KCNH8: variants seen among roughly 807,000 people sequenced by gnomAD.
The protein encoded by KCNH8 is voltage-gated delayed rectifier potassium channel KCNH8.
In KCNH8, 70 loss-of-function variants were observed where a neutral mutation model predicts 103.6. The ratio of observed to expected loss-of-function variants is 0.68; its 90% CI spans 0.56 to 0.82. The LOEUF (loss-of-function observed/expected upper bound fraction) is 0.82, where lower values mean the gene tolerates loss of function less well. KCNH8 is among the 40% of genes least tolerant of loss of function. The pLI, the probability that KCNH8 is intolerant of heterozygous loss-of-function variation, is 0.00. For missense variants in KCNH8, 1,217 were observed against 1,329.9 expected (o/e 0.92, Z 1.32); for synonymous variants, 498 against 489.4 (o/e 1.02, Z -0.23).
At chr3:19,315,814 A>G (rs1250289416) in intron 3 of KCNH8, among the ~76,000 whole-genome samples, 1 of 152,018 alleles carries the variant, frequency 6.6e-6, no homozygotes, top group Non-Finnish European at 1.5e-5. Flanking sequence ...TTGAGGCACT[A>G]TAATTTTTCT....
intron 5 of KCNH8, among the ~76,000 whole-genome samples, chr3:19,373,703 G>A (rs1340991347): frequency 1.3e-5 from 2 of 150,780 alleles, no homozygotes; most frequent in Admixed American, 6.6e-5. Context: ...GTGATGTTAG[G>A]GTGTCAATTT....
chr3:19,392,718 A>G (rs2066456777), intron 6 of KCNH8, among the ~76,000 whole-genome samples: 1 of 151,978 alleles, frequency 6.6e-6, no homozygotes. Flanking sequence ...CAGTTCTTTT[A>G]AGTACGGATC....
In KCNH8 at chr3:19,450,130, G is replaced by A; in HGVS notation, c.1400G>A (p.Gly467Glu). 6.2e-7 allele frequency: 1 copy of A among 1,613,574 alleles called. No homozygotes were observed. Among genetic ancestry groups the A allele is most frequent in the Non-Finnish European group, 8.5e-7 (1 of 1,179,746 alleles). Residue 467 changes from glycine to glutamate, a missense_variant, in exon 9 of 16, where the codon GGA (glycine) becomes GAA (glutamate). Physicochemically the swap from Gly to Glu is moderately conservative, Grantham distance 98. This residue lies in a region of KCNH8 where 415 missense variants were observed against 577.4 expected (regional missense o/e 0.72). Coordinates refer to ENST00000328405, the MANE Select transcript of KCNH8 (RefSeq NM_144633.3). The part of the protein sequence containing the change: ...IGALMHALVF[G>E]NVTAIIQRMY... ...GCCTTGATGCACGCCTTGGTGTTTG[G>A]AAACGTGACAGCAATCATACAGAGG...
intron 11 of KCNH8, among the ~76,000 whole-genome samples, chr3:19,472,720 A>G (rs1476279838): frequency 2.0e-5 from 3 of 152,338 alleles, no homozygotes; most frequent in Non-Finnish European, 4.4e-5. Flanking sequence ...CACTGATTAG[A>G]TATATAATAT....
chr3:19,468,184 C>T (rs1325167183), intron 11 of KCNH8, among the ~76,000 whole-genome samples: 1 of 152,128 alleles, frequency 6.6e-6, no homozygotes, highest in African/African-American at 2.4e-5. Flanking sequence ...CCTACCAAAA[C>T]CTATTTTATG....
chr3:19,492,842 TGTGTG>T (rs2068353760), intron 11 of KCNH8, among the ~76,000 whole-genome samples: 1 of 87,582 alleles, frequency 1.1e-5, no homozygotes, highest in African/African-American at 4.3e-5. Flanking sequence ...TGTGTGTGTG[TGTGTG>T]TGTGTGTGTG....
intron 1 of KCNH8, among the ~76,000 whole-genome samples, chr3:19,170,615 CACACACATATATATAT>C (rs1437430833): frequency 8.8e-4 from 122 of 138,318 alleles, no homozygotes; most frequent in African/African-American, 3.3e-3. Flanking sequence ...TATATGTATA[CACACACATATATATAT>C]ACACACATAT....
At chr3:19,226,365 T>C (rs1305211243) in intron 1 of KCNH8, among the ~76,000 whole-genome samples, 1 of 152,200 alleles carries the variant, frequency 6.6e-6, no homozygotes, top group Non-Finnish European at 1.5e-5. Context: ...TTAGTAGTAG[T>C]AGTTAACAGA....
intron 1 of KCNH8, among the ~76,000 whole-genome samples, chr3:19,221,964 C>T (rs2125232090): frequency 6.6e-6 from 1 of 152,200 alleles, no homozygotes; most frequent in Admixed American, 6.5e-5. Flanking sequence ...TCGCCTGCCT[C>T]AGCGTCCTGA....
rs1658859699 is a variant in KCNH8, at chr3:19,534,278, T to A, written c.*179T>A. The A allele has an allele frequency of 1.7e-6, 1 of 597,770 alleles. No individual in the cohort carries two copies. 37.0% of individuals were successfully genotyped at this position (597,770 alleles called of 1,614,324 possible). A position where few individuals can be genotyped will look rare whatever the true frequency, so the allele number is the denominator to read the frequency against. ...CATGCTGTAGCAAACAATTTCTAGA[T>A]ACTAGAAGCATAATAGAAACATTTT... On this transcript the variant is annotated 3_prime_UTR_variant, in exon 16 of 16. Coordinates refer to ENST00000328405, the MANE Select transcript of KCNH8 (RefSeq NM_144633.3).
intron 1 of KCNH8, among the ~76,000 whole-genome samples, chr3:19,181,648 A>C (rs1222336247): frequency 6.6e-6 from 1 of 152,184 alleles, no homozygotes; most frequent in African/African-American, 2.4e-5. Context: ...TGACTCAAAA[A>C]ATAGAAAAGT....
At chr3:19,500,006 A>C (rs2125232221) in intron 11 of KCNH8, among the ~76,000 whole-genome samples, 1 of 152,340 alleles carries the variant, frequency 6.6e-6, no homozygotes, top group Non-Finnish European at 1.5e-5. Context: ...AATTGGATGA[A>C]GAGTCAAGAC....
At chr3:19,307,781 GT>G (rs1386899170) in intron 3 of KCNH8, among the ~76,000 whole-genome samples, 1 of 151,976 alleles carries the variant, frequency 6.6e-6, no homozygotes, top group Non-Finnish European at 1.5e-5. Context: ...ATTATGTTAA[GT>G]GAAATAAGCC....
chr3:19,183,254 A>G (rs2063473364), intron 1 of KCNH8, among the ~76,000 whole-genome samples: 1 of 152,346 alleles, frequency 6.6e-6, no homozygotes, highest in South Asian at 2.1e-4. Flanking sequence ...TTTGTAGACG[A>G]TATCATTGTC....
chr3:19,465,527 A>G (rs1370786316), intron 11 of KCNH8, among the ~76,000 whole-genome samples: 1 of 152,100 alleles, frequency 6.6e-6, no homozygotes, highest in Non-Finnish European at 1.5e-5. Flanking sequence ...CTAACACAAC[A>G]TCTATTCTGT....
At chr3:19,272,242 A>G (rs950049303) in intron 2 of KCNH8, among the ~76,000 whole-genome samples, 8 of 152,058 alleles carry the variant, frequency 5.3e-5, no homozygotes, top group Non-Finnish European at 8.8e-5. Context: ...CCAAGGCTGC[A>G]TGCAGAAAGG....
At chr3:19,270,797 CTG>C (rs2064577361) in intron 2 of KCNH8, among the ~76,000 whole-genome samples, 2 of 152,164 alleles carry the variant, frequency 1.3e-5, no homozygotes, top group Non-Finnish European at 2.9e-5. Flanking sequence ...CCACCTAAAA[CTG>C]TAATCATATA....
intron 7 of KCNH8, among the ~76,000 whole-genome samples, chr3:19,429,039 C>G (rs1244996667): frequency 1.3e-5 from 2 of 152,018 alleles, no homozygotes; most frequent in East Asian, 3.9e-4. Flanking sequence ...TCACCAGACG[C>G]TGGCTGAAAA....
chr3:19,418,626 A>G (rs553037123), intron 7 of KCNH8, among the ~76,000 whole-genome samples: 8 of 152,218 alleles, frequency 5.3e-5, no homozygotes, highest in Non-Finnish European at 7.3e-5. Flanking sequence ...AAAAAAATGG[A>G]TAATACCAAA....
Sources: gnomAD v4.1 joint callset for allele counts (sites outside exome capture counted in the v4.1 genomes callset) on GRCh38, gnomAD v4.1.1 for gene constraint, gnomAD v4.1.1 regional missense constraint, MANE v1.5 for transcripts, NCBI Gene and HGNC (gene_info 2026-07-23, HGNC 2026-07-21) for gene names.